Variants in ADAMTS6 observed in about 807,000 individuals in gnomAD.
ADAMTS6 encodes A disintegrin and metalloproteinase with thrombospondin motifs 6.
ADAMTS6 carries 23 observed loss-of-function variants against 144.3 expected under a neutral mutation model. That is an observed-to-expected ratio of 0.16 (90% CI 0.11 to 0.23). ADAMTS6 has a LOEUF of 0.23. ADAMTS6 is among the 10% of genes least tolerant of loss of function. The pLI is 1.00. For synonymous variants in ADAMTS6, 444 were observed against 457.5 expected (o/e 0.97, Z 0.38); for missense variants, 999 against 1,379.6 (o/e 0.72, Z 4.37).
In ADAMTS6 at chr5:65,310,680, T is replaced by G. The variant is rs571694719; in HGVS notation, c.1224-10549A>C. ...ATGACAATACTGTTGGCATTAGCAA[T>G]TTAGCAGAATGAAACATATTTTAAA... On this transcript the variant is annotated intron_variant, in intron 9 of 24. Coordinates refer to ENST00000381055, the MANE Select transcript of ADAMTS6 (RefSeq NM_197941.4). 6.9e-4 allele frequency among the ~76,000 whole-genome samples: 105 copies of G among 152,356 alleles called. No individual in the cohort carries two copies. In the Middle Eastern group the frequency reaches 0.014, roughly 20 times the overall value.
At chr5:65,466,370 C>A (rs1051144814) in intron 3 of ADAMTS6, among the ~76,000 whole-genome samples, 1 of 152,218 alleles carries the variant, frequency 6.6e-6, no homozygotes, top group Non-Finnish European at 1.5e-5. Context: ...TCTTATCCCT[C>A]AGATGCCAGC....
intron 15 of ADAMTS6, among the ~76,000 whole-genome samples, chr5:65,235,174 T>C (rs1040503548): frequency 6.6e-6 from 1 of 152,188 alleles, no homozygotes; most frequent in African/African-American, 2.4e-5. Flanking sequence ...ATGTATAGTA[T>C]ACTTTAAATT....
chr5:65,399,892 T>A (rs963130509), intron 7 of ADAMTS6, among the ~76,000 whole-genome samples: 12 of 152,302 alleles, frequency 7.9e-5, no homozygotes, highest in African/African-American at 2.9e-4. Context: ...AAGTTTCTCA[T>A]CTATATTATT....
intron 7 of ADAMTS6, among the ~76,000 whole-genome samples, chr5:65,422,145 C>A (rs1756099519): frequency 6.6e-6 from 1 of 151,996 alleles, no homozygotes; most frequent in African/African-American, 2.4e-5. Flanking sequence ...GGGCAAATGA[C>A]ACGAATAGGT....
At chr5:65,212,779 C>T (rs1298435880) in intron 20 of ADAMTS6, among the ~76,000 whole-genome samples, 3 of 152,172 alleles carry the variant, frequency 2.0e-5, no homozygotes, top group Admixed American at 6.5e-5. Context: ...AACCTTCTGT[C>T]GTATGCTAAT....
intron 20 of ADAMTS6, among the ~76,000 whole-genome samples, chr5:65,202,389 T>C (rs1359570546): frequency 6.6e-6 from 1 of 152,204 alleles, no homozygotes; most frequent in Non-Finnish European, 1.5e-5. Flanking sequence ...CTATTACTCC[T>C]TAGCTATTAA....
intron 10 of ADAMTS6, among the ~76,000 whole-genome samples, chr5:65,291,929 A>G (rs1742356964): frequency 6.6e-6 from 1 of 152,184 alleles, no homozygotes; most frequent in Non-Finnish European, 1.5e-5. Context: ...ATGTTGTGTT[A>G]AGGCATGTCC....
chr5:65,363,037 T>G (rs928789284), intron 7 of ADAMTS6, among the ~76,000 whole-genome samples: 1 of 152,180 alleles, frequency 6.6e-6, no homozygotes, highest in Admixed American at 6.5e-5. Flanking sequence ...CTCATAAAGA[T>G]GTACCCCAAG....
At chr5:65,327,082 G>A (rs2150053341) in intron 9 of ADAMTS6, among the ~76,000 whole-genome samples, 1 of 152,194 alleles carries the variant, frequency 6.6e-6, no homozygotes, top group African/African-American at 2.4e-5. Flanking sequence ...TGGGGAGAAT[G>A]AATGAATTCT....
At chr5:65,416,754 A>T (rs1334430335) in intron 7 of ADAMTS6, among the ~76,000 whole-genome samples, 1 of 150,806 alleles carries the variant, frequency 6.6e-6, no homozygotes, top group Non-Finnish European at 1.5e-5. Context: ...CATTTAAAAA[A>T]AAAAAAAAAA....
At position 65,199,477 on chromosome 5, in the gene ADAMTS6, T is replaced by C. The variant is rs555125520; in HGVS notation, c.2576-2326A>G. Among the ~76,000 whole-genome samples the C allele has an allele frequency of 4.6e-5, 7 of 152,336 alleles. No individual in the cohort carries two copies. In the East Asian group the frequency reaches 7.7e-4, roughly 17 times the overall value. On this transcript the variant is annotated intron_variant, in intron 20 of 24. Coordinates refer to ENST00000381055, the MANE Select transcript of ADAMTS6 (RefSeq NM_197941.4). ...GAGCTGTGATTTATATTTCATTTTA[T>C]GATAAATTCTAACAATGTATGTATC...
At chr5:65,384,316 C>T (rs554702112) in intron 7 of ADAMTS6, among the ~76,000 whole-genome samples, 1 of 152,260 alleles carries the variant, frequency 6.6e-6, no homozygotes, top group South Asian at 2.1e-4. Context: ...TTCTCTCTCA[C>T]ACATTTTACT....
chr5:65,273,265 G>T, intron 12 of ADAMTS6, 75 bp downstream of exon 12: 1 of 1,233,336 alleles, frequency 8.1e-7, no homozygotes, highest in Non-Finnish European at 1.2e-6. Context: ...AAGACTTCCT[G>T]GTGGTTGAAT....
intron 7 of ADAMTS6, among the ~76,000 whole-genome samples, chr5:65,411,920 C>T (rs543219389): frequency 6.6e-5 from 10 of 152,088 alleles, no homozygotes; most frequent in African/African-American, 9.7e-5. Flanking sequence ...CCCATGAAGT[C>T]TTCTACCAAG....
chr5:65,257,805 G>T (rs1274832237), intron 14 of ADAMTS6, among the ~76,000 whole-genome samples: 1 of 152,068 alleles, frequency 6.6e-6, no homozygotes, highest in Admixed American at 6.6e-5. Context: ...AATTAGGTTA[G>T]GTGCCATTCT....
chr5:65,434,566 C>G (rs1479486352), intron 7 of ADAMTS6, among the ~76,000 whole-genome samples: 1 of 152,086 alleles, frequency 6.6e-6, no homozygotes, highest in Non-Finnish European at 1.5e-5. Context: ...GACAGTAAAG[C>G]TAGAAGACAA....
intron 7 of ADAMTS6, among the ~76,000 whole-genome samples, chr5:65,357,775 T>A (rs771637687): frequency 1.3e-5 from 2 of 151,844 alleles, no homozygotes; most frequent in Non-Finnish European, 2.9e-5. Flanking sequence ...TAACCTATCA[T>A]GACTGAATCA....
At position 65,481,534 on chromosome 5, in the gene ADAMTS6, G is replaced by C. The variant is rs1202573441; in HGVS notation, c.-471C>G. The stretch of plus-strand genomic sequence containing the variant: ...TAAAACCCTATGGTCTGGCTAACCC[G>C]GGCTTTAGAGAACTGACTTTCCGAT... On this transcript the variant is annotated 5_prime_UTR_variant, in exon 1 of 25. Transcript: ENST00000381055. 1 of 150,686 alleles carries C rather than the reference G, an allele frequency of 6.6e-6. No individual in the cohort carries two copies. Among genetic ancestry groups the C allele is most frequent in the African/African-American group, 2.5e-5 (1 of 40,816 alleles). 9.3% of individuals were successfully genotyped at this position (150,686 alleles called of 1,614,324 possible).
chr5:65,388,760 G>A (rs145951632), intron 7 of ADAMTS6, among the ~76,000 whole-genome samples: 11 of 152,248 alleles, frequency 7.2e-5, no homozygotes, highest in African/African-American at 2.4e-4. Context: ...GCTACGTAGT[G>A]TCAGTGCCTG....
Sources: gnomAD v4.1 joint callset for allele counts (sites outside exome capture counted in the v4.1 genomes callset) on GRCh38, gnomAD v4.1.1 for gene constraint, MANE v1.5 for transcripts, NCBI Gene and HGNC (gene_info 2026-07-23, HGNC 2026-07-21) for gene names.